CDH17: variants seen among roughly 807,000 people sequenced by gnomAD.
CDH17 encodes cadherin 17.
A neutral mutation model predicts 86.3 loss-of-function variants in CDH17; 67 were observed. The ratio of observed to expected loss-of-function variants is 0.78; its 90% CI spans 0.64 to 0.95. The LOEUF is 0.95. CDH17 is among the 40% of genes least tolerant of loss of function. CDH17 has a pLI of 0.00. For synonymous variants in CDH17, 367 were observed against 366.4 expected (o/e 1.00, Z -0.02); for missense variants, 993 against 1,017.6 (o/e 0.98, Z 0.33).
chr8:94,144,407 T>C (rs1300636439), intron 15 of CDH17, among the ~76,000 whole-genome samples: 1 of 152,160 alleles, frequency 6.6e-6, no homozygotes, highest in East Asian at 1.9e-4. Flanking sequence ...GAGCACATGC[T>C]GTTGGAAAAA....
chr8:94,178,513 C>A (rs1774858042), intron 3 of CDH17, among the ~76,000 whole-genome samples: 1 of 151,782 alleles, frequency 6.6e-6, no homozygotes, highest in South Asian at 2.1e-4. Flanking sequence ...CAAGTACATG[C>A]TTATAGTGAA....
upstream of CDH17, among the ~76,000 whole-genome samples, chr8:94,212,432 C>A (rs113472130): frequency 6.6e-6 from 1 of 152,042 alleles, no homozygotes; most frequent in African/African-American, 2.4e-5. Flanking sequence ...TAAGGCACTG[C>A]GCCTGGCCTA....
chr8:94,129,925 C>T (rs1812376552), intron 17 of CDH17, among the ~76,000 whole-genome samples: 2 of 152,290 alleles, frequency 1.3e-5, no homozygotes, highest in Admixed American at 1.3e-4. Context: ...CCCAAGATAT[C>T]TCATCGTGTA....
chr8:94,183,774 C>G (rs1813526338), intron 3 of CDH17, among the ~76,000 whole-genome samples: 1 of 151,624 alleles, frequency 6.6e-6, no homozygotes, highest in Non-Finnish European at 1.5e-5. Context: ...GAAAAGATAA[C>G]TTATAGAATG....
At position 94,171,396 on chromosome 8, in the gene CDH17, G is replaced by A. The variant is rs1813267058; in HGVS notation, c.784-411C>T. On this transcript the variant is annotated intron_variant, in intron 7 of 17. Transcript: ENST00000027335. ...AATACTCACCAATGAAGATGAACAG[G>A]GGCAATAGGGGCCACTCTGAAGTCT... Among the ~76,000 whole-genome samples, 3 of 152,104 alleles carry A rather than the reference G, an allele frequency of 2.0e-5. No individual in the cohort carries two copies. In the South Asian group the frequency reaches 6.2e-4, roughly 32 times the overall value.
chr8:94,184,307 G>C (rs1234013146), intron 3 of CDH17, among the ~76,000 whole-genome samples: 1 of 151,918 alleles, frequency 6.6e-6, no homozygotes, highest in Non-Finnish European at 1.5e-5. Context: ...ATTCATTATA[G>C]CCATAAATGA....
At chr8:94,137,782 A>C (rs1315292887) in intron 15 of CDH17, among the ~76,000 whole-genome samples, 1 of 152,240 alleles carries the variant, frequency 6.6e-6, no homozygotes, top group African/African-American at 2.4e-5. Flanking sequence ...GCCAGTGTCC[A>C]TGAAAGCAAA....
At chr8:94,152,635 T>A (rs56727443) in intron 12 of CDH17, among the ~76,000 whole-genome samples, 3,141 of 152,264 alleles carry the variant, frequency 0.021, 105 homozygotes, top group African/African-American at 0.072. Flanking sequence ...TTACCTCAAG[T>A]GATCTGCCCA....
intron 11 of CDH17, 28 bp downstream of exon 11, chr8:94,162,058 G>GA: frequency 7.4e-7 from 1 of 1,356,438 alleles, no homozygotes; most frequent in Non-Finnish European, 1.1e-6. Context: ...ATAAAGTAAA[G>GA]AAAAAACAAA....
At chr8:94,135,406 A>G (rs1173617939) in intron 15 of CDH17, among the ~76,000 whole-genome samples, 1 of 152,184 alleles carries the variant, frequency 6.6e-6, no homozygotes, top group Non-Finnish European at 1.5e-5. Flanking sequence ...CTTTACCATT[A>G]TGTAATGGCC....
intron 13 of CDH17, among the ~76,000 whole-genome samples, chr8:94,149,406 G>T (rs1433357038): frequency 1.3e-5 from 2 of 152,156 alleles, no homozygotes; most frequent in Non-Finnish European, 2.9e-5. Context: ...GCCAAGGGAA[G>T]AGATCACAAA....
intron 1 of CDH17, among the ~76,000 whole-genome samples, chr8:94,205,457 G>GAA (rs1162716261): frequency 6.6e-6 from 1 of 151,958 alleles, no homozygotes. Context: ...AAGAAAGAAA[G>GAA]AAAAGAGAAG....
At chr8:94,162,208 T>C (rs1197134846) in intron 10 of CDH17, 46 bp from the exon 11 acceptor site, 6 of 1,203,034 alleles carry the variant, frequency 5.0e-6, no homozygotes, top group Non-Finnish European at 7.4e-6. Context: ...CTGAAAACCA[T>C]GCATTAATAT....
Position 94,189,246 on chromosome 8 carries a change from G to C in CDH17, c.91C>G (p.Leu31Val). 1 of 1,612,694 alleles carries C rather than the reference G, an allele frequency of 6.2e-7. No homozygotes were observed. ...YGQEGKFSGP[L>V]KPMTFSIYEG... ...TAAATAGAAAATGTCATGGGTTTCA[G>C]GGGTCCACTAAACTTCCCCTCTTGG... The change falls in exon 3 of 18, where the codon CTG becomes GTG. Residue 31 changes from leucine to valine, a missense_variant. Transcript: ENST00000027335.
intron 13 of CDH17, among the ~76,000 whole-genome samples, chr8:94,151,298 G>T (rs1281245689): frequency 2.0e-5 from 3 of 152,268 alleles, no homozygotes; most frequent in African/African-American, 7.2e-5. Context: ...CTGAAAAAAA[G>T]GAATTGCTAA....
At chr8:94,170,340 A>C in intron 9 of CDH17, 57 bp downstream of exon 9, 1 of 1,574,492 alleles carries the variant, frequency 6.4e-7, no homozygotes, top group East Asian at 2.2e-5. Context: ...CCTTTTACCC[A>C]GCAGAGGAGA....
chr8:94,132,514 G>A (rs1812439765), intron 15 of CDH17, among the ~76,000 whole-genome samples: 2 of 152,024 alleles, frequency 1.3e-5, no homozygotes, highest in South Asian at 4.1e-4. Flanking sequence ...TTTTGATGGG[G>A]TCGTTTTTTT....
At chr8:94,169,249 T>A (rs1813222870) in intron 9 of CDH17, among the ~76,000 whole-genome samples, 1 of 152,146 alleles carries the variant, frequency 6.6e-6, no homozygotes, top group Admixed American at 6.6e-5. Context: ...CTACTGTGAC[T>A]GTGAGAAGAT....
At chr8:94,155,199 G>A (rs924365438) in intron 12 of CDH17, among the ~76,000 whole-genome samples, 2 of 152,008 alleles carry the variant, frequency 1.3e-5, no homozygotes, top group African/African-American at 2.4e-5. Flanking sequence ...CGTCGACCTC[G>A]TGACGTGGTC....
Sources: gnomAD v4.1 joint callset for allele counts (sites outside exome capture counted in the v4.1 genomes callset) on GRCh38, gnomAD v4.1.1 for gene constraint, MANE v1.5 for transcripts, NCBI Gene and HGNC (gene_info 2026-07-23, HGNC 2026-07-21) for gene names.